Variants in DLGAP4 observed in about 807,000 individuals in gnomAD.
The protein encoded by DLGAP4 is disks large-associated protein 4.
A neutral mutation model predicts 86.9 loss-of-function variants in DLGAP4; 18 were observed. That is an observed-to-expected ratio of 0.21 (90% CI 0.14 to 0.31). The LOEUF is 0.31. DLGAP4 is among the 10% of genes least tolerant of loss of function. The pLI is 1.00. For synonymous variants in DLGAP4, 548 were observed against 574.3 expected (o/e 0.95, Z 0.65); for missense variants, 1,085 against 1,362.6 (o/e 0.80, Z 3.21).
In DLGAP4 at chr20:36,500,503, C is replaced by G. The variant is rs1467572448; in HGVS notation, c.2404C>G (p.Arg802Gly). The G allele has an allele frequency of 1.3e-6, 2 of 1,593,176 alleles. No individual in the cohort carries two copies. Among genetic ancestry groups the G allele is most frequent in the East Asian group, 2.3e-5 (1 of 44,274 alleles). Residue 802 changes from arginine (R) to glycine (G), a missense_variant, in exon 10 of 13, where the codon CGA (arginine) becomes GGA (glycine). By Grantham distance (125) the Arg-to-Gly change is moderately radical. Coordinates refer to ENST00000339266, the MANE Select transcript of DLGAP4 (RefSeq NM_001365621.2). This position sits in a 1 kb window ranked among gnomAD's most constrained non-coding sequence, Gnocchi z 4.6. ...AEPAQPGACR[R>G]DGYWFLKLLQ... is the part of the protein sequence containing the mutation. The stretch of plus-strand genomic sequence containing the variant: ...GCCGGCACAGCCAGGGGCCTGCCGC[C>G]GAGACGGCTACTGGTTCCTAAAGCT...
At position 36,525,079 on chromosome 20, in the gene DLGAP4, G is replaced by A. The variant is rs369554403; in HGVS notation, c.2604+738G>A. 2.4e-4 allele frequency among the ~76,000 whole-genome samples: 36 copies of A among 150,608 alleles called. 1 individual carries two copies. Among genetic ancestry groups the A allele is most frequent in the East Asian group, 1.8e-3 (9 of 5,102 alleles). On this transcript the variant is annotated intron_variant, in intron 11 of 12. Transcript: ENST00000339266. Reference sequence around the variant, plus strand: ...TAAAAAGACAAAAAATTAGCCAGGCGTAGTGGCGGGTGCCTGTAGTCCCAG... The same window carrying A: ...TAAAAAGACAAAAAATTAGCCAGGCATAGTGGCGGGTGCCTGTAGTCCCAG...
intron 1 of DLGAP4, among the ~76,000 whole-genome samples, chr20:36,329,124 G>T (rs928123494): frequency 6.6e-6 from 1 of 152,116 alleles, no homozygotes; most frequent in Non-Finnish European, 1.5e-5. Flanking sequence ...TGGGCAGGCC[G>T]GTCTTGAACG....
chr20:36,384,678 G>A (rs939075335), intron 2 of DLGAP4, among the ~76,000 whole-genome samples: 4 of 152,176 alleles, frequency 2.6e-5, no homozygotes, highest in South Asian at 4.1e-4. Flanking sequence ...TCTTACACAC[G>A]GAGGAAAGCA....
chr20:36,430,562 A>C (rs1265399830), intron 2 of DLGAP4, among the ~76,000 whole-genome samples: 1 of 151,170 alleles, frequency 6.6e-6, no homozygotes, highest in East Asian at 2.0e-4. Flanking sequence ...CCACAGCTAT[A>C]ATCCCAGCAC....
At position 36,496,685 on chromosome 20, in the gene DLGAP4, C is replaced by A. The variant is rs748946213; in HGVS notation, c.1649-20C>A. 2 of 1,587,436 alleles carry A rather than the reference C, an allele frequency of 1.3e-6. No individual in the cohort carries two copies. Among genetic ancestry groups the A allele is most frequent in the Non-Finnish European group, 1.7e-6 (2 of 1,160,962 alleles). ...TTCACCATCTCACCTCTCCCCTGCCCTTCTCTCATCCATCTGCAGGTTCAT... is the reference window on the plus strand; with the variant it reads ...TTCACCATCTCACCTCTCCCCTGCCATTCTCTCATCCATCTGCAGGTTCAT... On this transcript the variant is annotated intron_variant, in intron 7 of 12. Transcript: ENST00000339266.
chr20:36,525,583 C>T (rs1411074055), intron 11 of DLGAP4: 24 of 523,846 alleles, frequency 4.6e-5, no homozygotes, highest in Non-Finnish European at 7.6e-5. Context: ...AACGAGAATA[C>T]CTGTCTGCTA....
At chr20:36,351,327 C>T (rs1330639690) in intron 1 of DLGAP4, among the ~76,000 whole-genome samples, 3 of 152,206 alleles carry the variant, frequency 2.0e-5, no homozygotes, top group Non-Finnish European at 2.9e-5. Flanking sequence ...CTGGGCTGCA[C>T]AGCAGGAAGT....
chr20:36,371,419 G>A (rs2030929757), intron 2 of DLGAP4, among the ~76,000 whole-genome samples: 1 of 152,248 alleles, frequency 6.6e-6, no homozygotes, highest in African/African-American at 2.4e-5. Context: ...CTCCATTGGT[G>A]CAGTGAGGGA....
At chr20:36,421,505 T>A (rs2032826727) in intron 2 of DLGAP4, among the ~76,000 whole-genome samples, 1 of 145,194 alleles carries the variant, frequency 6.9e-6, no homozygotes, top group Non-Finnish European at 1.5e-5. Context: ...GCCATGGGAG[T>A]CTTTGAAAGG....
In DLGAP4 at chr20:36,518,240, C is replaced by A. The variant is rs984237659; in HGVS notation, c.2513-6010C>A. Among the ~76,000 whole-genome samples, 73 of 151,486 alleles carry A rather than the reference C, an allele frequency of 4.8e-4. No homozygotes were observed. The East Asian group carries it at 0.011, about 24-fold the overall frequency. On this transcript the variant is annotated intron_variant, in intron 10 of 12. Transcript: ENST00000339266. Reference sequence around the variant, plus strand: ...AGACTCGGTCTCAAAAAAAAAAAAACCAGGATTTTATTTCATGGTTGTGTA... The same window carrying A: ...AGACTCGGTCTCAAAAAAAAAAAAAACAGGATTTTATTTCATGGTTGTGTA...
At chr20:36,443,226 G>A (rs1273720638) in intron 6 of DLGAP4, among the ~76,000 whole-genome samples, 3 of 152,210 alleles carry the variant, frequency 2.0e-5, no homozygotes, top group Admixed American at 1.3e-4. Context: ...ATGTTGGGGT[G>A]TTGGAGTGTG....
chr20:36,526,849 C>T lies in DLGAP4; in HGVS notation c.2797C>T (p.Pro933Ser). 1 of 1,611,522 alleles carries T rather than the reference C, an allele frequency of 6.2e-7. No individual in the cohort carries two copies. The highest frequency in any genetic ancestry group is 8.5e-7 in the Non-Finnish European group (1 of 1,179,378). The stretch of plus-strand genomic sequence containing the variant: ...ACCACCCCCTCCGGTCCCAAAGAAG[C>T]CAGCCAAATCCAAGCCGGCAGTGAG... ...KKPPPPVPKK[P>S]AKSKPAVSRD... The change falls in exon 13 of 13, where the codon CCA becomes TCA. Residue 933 changes from proline (P) to serine (S), a missense_variant. Transcript: ENST00000339266.
chr20:36,348,961 G>A (rs2030039320), intron 1 of DLGAP4, among the ~76,000 whole-genome samples: 1 of 151,400 alleles, frequency 6.6e-6, no homozygotes, highest in African/African-American at 2.4e-5. Flanking sequence ...AAATTAGCTG[G>A]GTGTGGTGGT....
At chr20:36,484,846 A>G (rs919146204) in intron 7 of DLGAP4, among the ~76,000 whole-genome samples, 1 of 152,254 alleles carries the variant, frequency 6.6e-6, no homozygotes, top group Admixed American at 6.5e-5. Context: ...CTGCACGTGC[A>G]CCTGCATTGT....
chr20:36,475,253 C>G (rs1015222160), intron 7 of DLGAP4, among the ~76,000 whole-genome samples: 1 of 152,080 alleles, frequency 6.6e-6, no homozygotes, highest in Non-Finnish European at 1.5e-5. Flanking sequence ...GCTCTGTCAC[C>G]CAGGCTGGAA....
At chr20:36,412,397 C>T (rs1227425178) in intron 2 of DLGAP4, among the ~76,000 whole-genome samples, 1 of 152,192 alleles carries the variant, frequency 6.6e-6, no homozygotes, top group African/African-American at 2.4e-5. Context: ...GAGGCTGTGT[C>T]CCCTGAGCAT....
At chr20:36,353,691 C>T (rs535074882) in intron 1 of DLGAP4, among the ~76,000 whole-genome samples, 6 of 152,306 alleles carry the variant, frequency 3.9e-5, no homozygotes, top group East Asian at 3.9e-4. Flanking sequence ...AACCTGTGTC[C>T]GCCACTTTGC....
At chr20:36,461,387 C>G (rs1223517742) in intron 7 of DLGAP4, 6 of 921,538 alleles carry the variant, frequency 6.5e-6, no homozygotes, top group Non-Finnish European at 7.7e-6. Context: ...GAGTCCCTGA[C>G]GACGCGCGCG....
At chr20:36,439,716 G>A (rs776273851) in intron 4 of DLGAP4, 38 bp from the exon 5 acceptor site, 102 of 1,574,456 alleles carry the variant, frequency 6.5e-5, no homozygotes, top group Non-Finnish European at 8.5e-5. Context: ...GTGAACAATG[G>A]GTGGGCTGAG....
Sources: gnomAD v4.1 joint callset for allele counts (sites outside exome capture counted in the v4.1 genomes callset) on GRCh38, gnomAD v4.1.1 for gene constraint, Gnocchi (gnomAD v3.1) non-coding constraint, MANE v1.5 for transcripts, NCBI Gene and HGNC (gene_info 2026-07-23, HGNC 2026-07-21) for gene names.